The following ABCB11 variants were observed in gnomAD, a reference collection of about 807,000 sequenced individuals.
ABCB11 encodes ATP binding cassette subfamily B member 11, also known as bile salt export pump.
ABCB11 carries 95 observed loss-of-function variants against 148.0 expected under a neutral mutation model. The observed-to-expected ratio is 0.64, with a 90% CI of 0.54 to 0.76. The LOEUF is 0.76. Ranked by LOEUF, ABCB11 falls within the 30% of genes least tolerant of loss-of-function variation. The pLI is 0.00. For synonymous variants in ABCB11, 591 were observed against 555.4 expected (o/e 1.06, Z -0.90); for missense variants, 1,523 against 1,617.8 (o/e 0.94, Z 1.01).
intron 21 of ABCB11, among the ~76,000 whole-genome samples, chr2:168,937,237 G>T (rs577199930): frequency 6.6e-6 from 1 of 152,246 alleles, no homozygotes; most frequent in South Asian, 2.1e-4. Context: ...ATCACATTTT[G>T]TATATCCATT....
intron 9 of ABCB11, among the ~76,000 whole-genome samples, chr2:168,988,455 T>G (rs1019205776): frequency 1.3e-5 from 2 of 152,146 alleles, no homozygotes; most frequent in African/African-American, 4.8e-5. Flanking sequence ...AAAGGCTGAA[T>G]AGTATTCTAT....
intron 15 of ABCB11, 91 bp downstream of exon 15, chr2:168,969,954 C>CCA: frequency 4.0e-6 from 3 of 755,882 alleles, no homozygotes; most frequent in Non-Finnish European, 6.7e-6. Flanking sequence ...CAACTACTCC[C>CCA]ATCCCTCCCA....
At chr2:168,992,757 G>A (rs1694577180) in intron 8 of ABCB11, among the ~76,000 whole-genome samples, 1 of 152,054 alleles carries the variant, frequency 6.6e-6, no homozygotes, top group African/African-American at 2.4e-5. Context: ...GAAATGGAGC[G>A]AGCTCTTTGC....
rs922918335 is a variant in ABCB11 at position 168,923,599 on chromosome 2, G to A, written c.*23C>T. ...AACCCCTGTAACTGGTGCGTCATGT[G>A]TGTCTGAGATTCTTGCATTGGGTCA... On this transcript the variant is annotated 3_prime_UTR_variant, in exon 28 of 28. Coordinates refer to ENST00000650372, the MANE Select transcript of ABCB11 (RefSeq NM_003742.4). 2 of 1,611,286 alleles carry A rather than the reference G, an allele frequency of 1.2e-6. No individual in the cohort carries two copies. The highest frequency in any genetic ancestry group is 1.7e-6 in the Non-Finnish European group (2 of 1,177,646).
At chr2:168,917,246 C>G (rs1690959049), downstream of ABCB11, among the ~76,000 whole-genome samples, 3 of 151,428 alleles carry the variant, frequency 2.0e-5, no homozygotes, top group Non-Finnish European at 2.9e-5. Flanking sequence ...TTTTCTCAAA[C>G]AGTAGCATTT....
intron 9 of ABCB11, 138 bp downstream of exon 9, chr2:168,990,663 C>T (rs1035242689): frequency 9.4e-7 from 1 of 1,060,738 alleles, no homozygotes; most frequent in African/African-American, 1.6e-5. Context: ...AATTACTCTG[C>T]TTAGCTCCCT....
intron 10 of ABCB11, among the ~76,000 whole-genome samples, chr2:168,982,191 A>G (rs893418353): frequency 6.6e-6 from 1 of 152,160 alleles, no homozygotes; most frequent in Non-Finnish European, 1.5e-5. Flanking sequence ...AAAGGGGTCC[A>G]TGGCCCCTGG....
chr2:168,993,813 G>C lies in ABCB11; in HGVS notation c.681C>G (p.Thr227=). 6.2e-7 allele frequency: 1 copy of C among 1,611,600 alleles called. No homozygotes were observed. Among genetic ancestry groups the C allele is most frequent in the Non-Finnish European group, 8.5e-7 (1 of 1,178,640 alleles). Residue 227 remains threonine (T), a synonymous_variant, in exon 8 of 28, where the codon ACC becomes ACG. Coordinates refer to ENST00000650372, the MANE Select transcript of ABCB11 (RefSeq NM_003742.4). ...AAAATCCCAACAGGAAACCACAGAT[G>C]GTCGAGGTCATGCGCTGAATGAAAA... ...MALFIQRMTS[T]ICGFLLGFFR...
intron 16 of ABCB11, 87 bp downstream of exon 16, chr2:168,969,263 T>C: frequency 8.1e-7 from 1 of 1,241,496 alleles, no homozygotes; most frequent in Middle Eastern, 2.0e-4. Context: ...GGGAGAACAG[T>C]GAGTATTGAA....
intron 10 of ABCB11, among the ~76,000 whole-genome samples, chr2:168,983,553 G>GA (rs1694207233): frequency 6.6e-6 from 1 of 152,130 alleles, no homozygotes; most frequent in South Asian, 2.1e-4. Flanking sequence ...AAGTTCAAAA[G>GA]ATGTCAGCTG....
chr2:168,959,858 A>T (rs547431114), intron 18 of ABCB11, among the ~76,000 whole-genome samples: 2 of 145,308 alleles, frequency 1.4e-5, no homozygotes, highest in Admixed American at 1.4e-4. Flanking sequence ...AACACTGGCT[A>T]CTGCTATTGC....
chr2:168,943,042 C>T (rs1242265000), intron 21 of ABCB11, among the ~76,000 whole-genome samples: 1 of 151,756 alleles, frequency 6.6e-6, no homozygotes, highest in Non-Finnish European at 1.5e-5. Flanking sequence ...TAAAAAACAA[C>T]AAAAGTATTA....
chr2:168,951,295 CAT>C (rs1270366874), intron 19 of ABCB11, among the ~76,000 whole-genome samples: 2 of 151,500 alleles, frequency 1.3e-5, no homozygotes, highest in African/African-American at 4.8e-5. Context: ...TGAAAAATGA[CAT>C]TGGTAATTTG....
intron 1 of ABCB11, among the ~76,000 whole-genome samples, chr2:169,028,355 G>A (rs548293795): frequency 6.6e-6 from 1 of 152,126 alleles, no homozygotes; most frequent in South Asian, 2.1e-4. Flanking sequence ...GCATCTCCTG[G>A]GCCCTGATGC....
At chr2:168,964,098 A>T in intron 18 of ABCB11, 108 bp downstream of exon 18, 1 of 705,504 alleles carries the variant, frequency 1.4e-6, no homozygotes, top group Non-Finnish European at 2.4e-6. Flanking sequence ...GACTTGAAAC[A>T]CTGCTAGATA....
chr2:168,932,559 G>C (rs1201933746), intron 23 of ABCB11, 26 bp from the exon 24 acceptor site: 1 of 1,611,058 alleles, frequency 6.2e-7, no homozygotes, highest in Non-Finnish European at 8.5e-7. Context: ...CACACAGGAA[G>C]AGAGCAGGGT....
intron 12 of ABCB11, among the ~76,000 whole-genome samples, chr2:168,975,564 T>TATAA (rs1693845084): frequency 2.4e-5 from 1 of 41,020 alleles, no homozygotes; most frequent in Non-Finnish European, 5.1e-5. Context: ...TAAATATTTT[T>TATAA]ATATTTATAG....
intron 10 of ABCB11, among the ~76,000 whole-genome samples, chr2:168,980,930 C>T (rs1277775783): frequency 6.6e-6 from 1 of 152,180 alleles, no homozygotes; most frequent in Non-Finnish European, 1.5e-5. Flanking sequence ...ATACCAGTCT[C>T]CTCCTCTCTA....
In ABCB11 at chr2:168,922,321, C is replaced by T. The variant is rs1212064356; in HGVS notation, c.*1301G>A. ...ATCTTGTGTCTCTAAGTGCAAACCT[C>T]CCTGTGAGCCTCCTCAGAGAGGGAG... On this transcript the variant is annotated 3_prime_UTR_variant, in exon 28 of 28. Transcript: ENST00000650372. 6.6e-6 allele frequency among the ~76,000 whole-genome samples: 1 copy of T among 152,154 alleles called. No homozygotes were observed. The highest frequency in any genetic ancestry group is 1.5e-5 in the Non-Finnish European group (1 of 68,034).
Sources: gnomAD v4.1 joint callset for allele counts (sites outside exome capture counted in the v4.1 genomes callset) on GRCh38, gnomAD v4.1.1 for gene constraint, MANE v1.5 for transcripts, NCBI Gene and HGNC (gene_info 2026-07-23, HGNC 2026-07-21) for gene names.